Variants in EPC1 observed in about 807,000 individuals in gnomAD.
The protein encoded by EPC1 is enhancer of polycomb 1.
EPC1 carries 12 observed loss-of-function variants against 98.4 expected under a neutral mutation model. The ratio of observed to expected loss-of-function variants is 0.12; its 90% CI spans 0.08 to 0.20. EPC1 has a LOEUF of 0.20. Ranked by LOEUF, EPC1 falls within the 10% of genes least tolerant of loss-of-function variation. The probability of loss-of-function intolerance (pLI) is 1.00; values close to 1 mark genes in which losing one functional copy is unlikely to be tolerated. For missense variants in EPC1, 729 were observed against 990.5 expected (o/e 0.74, Z 3.54); for synonymous variants, 357 against 363.9 (o/e 0.98, Z 0.21).
intron 2 of EPC1, among the ~76,000 whole-genome samples, chr10:32,294,730 T>C (rs749499060): frequency 1.3e-5 from 2 of 152,224 alleles, no homozygotes; most frequent in Non-Finnish European, 2.9e-5. Context: ...ATAAGCAAAA[T>C]ATTAAATAGC....
At position 32,343,219 on chromosome 10, in the gene EPC1, A is replaced by G. The variant is rs143355273; in HGVS notation, c.153+3544T>C. 2.9e-3 allele frequency among the ~76,000 whole-genome samples: 437 copies of G among 152,018 alleles called. 1 individual carries two copies. The highest frequency in any genetic ancestry group is 0.01 in the African/African-American group (417 of 41,476). ...CCGTTACTTTATTTTTAATTAAATT[A>G]TTTTTTCTGAAACGAGTTTCGCTCT... On this transcript the variant is annotated intron_variant, in intron 1 of 13. Transcript: ENST00000319778.
intron 1 of EPC1, among the ~76,000 whole-genome samples, chr10:32,315,221 G>A (rs1000120800): frequency 2.6e-5 from 4 of 151,958 alleles, no homozygotes; most frequent in Non-Finnish European, 5.9e-5. Context: ...TACTGTAGGC[G>A]CTCAGTATTT....
At position 32,312,753 on chromosome 10, in the gene EPC1, T is replaced by TA. The variant is rs1472594316; in HGVS notation, c.154-6823dup. Among the ~76,000 whole-genome samples, 18 of 152,194 alleles carry TA rather than the reference T, an allele frequency of 1.2e-4. No individual in the cohort carries two copies. The East Asian group carries it at 1.5e-3, about 13-fold the overall frequency. ...ATACATGTGCACGCACACACAGTTT[T>TA]AAAAAACATTTTTAAAACTCAAAGC... is the stretch of plus-strand genomic sequence containing the variant. On this transcript the variant is annotated intron_variant, in intron 1 of 13. Coordinates refer to ENST00000319778, the MANE Select transcript of EPC1 (RefSeq NM_001272004.3).
intron 6 of EPC1, among the ~76,000 whole-genome samples, chr10:32,288,894 C>T (rs777420794): frequency 2.0e-5 from 3 of 151,954 alleles, no homozygotes; most frequent in Non-Finnish European, 4.4e-5. Context: ...TTGAGACCAT[C>T]CTGGCTAACA....
intron 1 of EPC1, among the ~76,000 whole-genome samples, chr10:32,360,894 CAAAAA>C (rs34674243): frequency 7.0e-6 from 1 of 142,874 alleles, no homozygotes; most frequent in African/African-American, 2.6e-5. Flanking sequence ...ACTCCATCTC[CAAAAA>C]AAAAAAAAAG....
At position 32,277,058 on chromosome 10, in the gene EPC1, G is replaced by A. The variant is rs191682319; in HGVS notation, c.1745-3777C>T. 8.8e-3 allele frequency among the ~76,000 whole-genome samples: 1,333 copies of A among 152,218 alleles called. 13 individuals carry two copies. Among genetic ancestry groups the A allele is most frequent in the Non-Finnish European group, 0.014 (971 of 68,012 alleles). ...CTGAGGTCACACATATGTAACAGTG[G>A]AAGGAAAAGAGAACCCCAAAGCAAT... On this transcript the variant is annotated intron_variant, in intron 10 of 13. Coordinates refer to ENST00000319778, the MANE Select transcript of EPC1 (RefSeq NM_001272004.3).
intron 1 of EPC1, among the ~76,000 whole-genome samples, chr10:32,331,858 G>A (rs1564551170): frequency 6.6e-6 from 1 of 152,154 alleles, no homozygotes; most frequent in Non-Finnish European, 1.5e-5. Context: ...AAAACATTTT[G>A]GGGGAGGCCT....
At chr10:32,341,828 G>A (rs1191376480) in intron 1 of EPC1, among the ~76,000 whole-genome samples, 1 of 152,144 alleles carries the variant, frequency 6.6e-6, no homozygotes, top group African/African-American at 2.4e-5. Context: ...GACTCAGTTT[G>A]AAATTTATGG....
intron 4 of EPC1, 67 bp from the exon 5 acceptor site, chr10:32,292,711 C>T: frequency 2.1e-6 from 3 of 1,443,514 alleles, no homozygotes; most frequent in Non-Finnish European, 1.9e-6. Context: ...GTTATTGACC[C>T]ATAAAATTTA....
At position 32,320,751 on chromosome 10, in the gene EPC1, C is replaced by T. The variant is rs964754555; in HGVS notation, c.154-14820G>A. Among the ~76,000 whole-genome samples, 10 of 152,212 alleles carry T rather than the reference C, an allele frequency of 6.6e-5. No homozygotes were observed. The East Asian group carries it at 7.8e-4, about 12-fold the overall frequency. On this transcript the variant is annotated intron_variant, in intron 1 of 13. Transcript: ENST00000319778. ...CTTGGATTACAGGCATGCACCACCA[C>T]GCCCAGCTAATTTTCAGTAGAGACA...
intron 2 of EPC1, among the ~76,000 whole-genome samples, chr10:32,301,855 AC>A (rs146949972): frequency 0.033 from 5,056 of 152,278 alleles, 130 homozygotes; most frequent in East Asian, 0.12. Flanking sequence ...GAGCCCTTAG[AC>A]TTGACACCAA....
At position 32,378,653 on chromosome 10, in the gene EPC1, G is replaced by T; in HGVS notation, c.-160C>A. On this transcript the variant is annotated 5_prime_UTR_variant, in exon 1 of 14. Transcript: ENST00000375110. ...AAAGTAATACTTTCTTCCATGATCG[G>T]TGGCCGAATGGGGTGGCTTCCCCCA... is the stretch of plus-strand genomic sequence containing the variant. 3 of 503,148 alleles carry T rather than the reference G, an allele frequency of 6.0e-6. No homozygotes were observed. The South Asian group carries it at 1.3e-4, about 21-fold the overall frequency. 31.2% of individuals were successfully genotyped at this position (503,148 alleles called of 1,614,324 possible).
At position 32,285,196 on chromosome 10, in the gene EPC1, G is replaced by C. The variant is rs187360768; in HGVS notation, c.1392-146C>G. On this transcript the variant is annotated intron_variant, in intron 9 of 13. Coordinates refer to ENST00000319778, the MANE Select transcript of EPC1 (RefSeq NM_001272004.3). ...TTTAAAGTTGATTATTTTAGTGTTT[G>C]GTTTTTATAGGCTACAACCTCAATT... 105 of 577,188 alleles carry C rather than the reference G, an allele frequency of 1.8e-4. No homozygotes were observed. The African/African-American group carries it at 1.9e-3, about 10-fold the overall frequency. 35.8% of individuals were successfully genotyped at this position (577,188 alleles called of 1,614,324 possible). A position where few individuals can be genotyped will look rare whatever the true frequency, so the allele number is the denominator to read the frequency against.
intron 1 of EPC1, chr10:32,374,366 C>T (rs555566103): frequency 6.6e-6 from 1 of 152,184 alleles, no homozygotes; most frequent in South Asian, 2.1e-4. Flanking sequence ...TGAGGCCCTA[C>T]CATGTTTTAA....
chr10:32,363,354 C>T (rs1035859111), intron 1 of EPC1, among the ~76,000 whole-genome samples: 17 of 152,100 alleles, frequency 1.1e-4, no homozygotes, highest in East Asian at 1.9e-4. Flanking sequence ...GTACTGGGAC[C>T]GCAAGCTTGA....
chr10:32,343,246 C>G (rs185821510), intron 1 of EPC1, among the ~76,000 whole-genome samples: 1 of 152,098 alleles, frequency 6.6e-6, no homozygotes, highest in East Asian at 1.9e-4. Context: ...TTTCGCTCTT[C>G]TTGCACAGGC....
At chr10:32,358,431 C>T (rs1290689547) in intron 1 of EPC1, among the ~76,000 whole-genome samples, 7 of 151,934 alleles carry the variant, frequency 4.6e-5, no homozygotes, top group Admixed American at 1.3e-4. Flanking sequence ...ATCACTTGCA[C>T]CCAGGAGTTT....
In EPC1 at chr10:32,346,749, GAGTTA is replaced by G; in HGVS notation, c.153+9_153+13del. The G allele has an allele frequency of 3.7e-6, 6 of 1,613,170 alleles. No homozygotes were observed. Among genetic ancestry groups the G allele is most frequent in the Non-Finnish European group, 5.1e-6 (6 of 1,179,300 alleles). Reference sequence around the variant, plus strand: ...GGGCCTGACGGTGGGTCGGACAGGGGAGTTAACACGTACCGACTCCTCTTCCTTCT... The same window carrying G: ...GGGCCTGACGGTGGGTCGGACAGGGGACACGTACCGACTCCTCTTCCTTCT... On this transcript the variant is annotated intron_variant, in intron 1 of 13. Transcript: ENST00000319778.
chr10:32,341,317 CTGTGTGTGTGTGTCTG>C (rs1456690742), intron 1 of EPC1, among the ~76,000 whole-genome samples: 2 of 102,728 alleles, frequency 1.9e-5, no homozygotes, highest in East Asian at 6.5e-4. Flanking sequence ...GGACACATGT[CTGTGTGTGTGTGTCTG>C]TGTGTGTGTA....
Sources: allele counts gnomAD v4.1 joint callset (sites outside exome capture counted in the v4.1 genomes callset), GRCh38; gene constraint gnomAD v4.1.1; transcripts MANE v1.5; gene names NCBI Gene and HGNC (gene_info 2026-07-23, HGNC 2026-07-21).